SLC24A2: variants seen among roughly 807,000 people sequenced by gnomAD.
SLC24A2 encodes the protein sodium/potassium/calcium exchanger 2.
A neutral mutation model predicts 62.0 loss-of-function variants in SLC24A2; 36 were observed. The ratio of observed to expected loss-of-function variants is 0.58; its 90% CI spans 0.44 to 0.77. The LOEUF is 0.77. Ranked by LOEUF, SLC24A2 falls within the 30% of genes least tolerant of loss-of-function variation. The pLI is 0.00. For synonymous variants in SLC24A2, 358 were observed against 294.0 expected (o/e 1.22, Z -2.23); for missense variants, 846 against 817.9 (o/e 1.03, Z -0.42).
chr9:19,667,453 G>A (rs1463832677), intron 2 of SLC24A2, among the ~76,000 whole-genome samples: 1 of 152,144 alleles, frequency 6.6e-6, no homozygotes, highest in Non-Finnish European at 1.5e-5. Flanking sequence ...CATCCTGGTA[G>A]TTCTACCTCC....
chr9:19,644,520 G>A (rs781633941), intron 2 of SLC24A2, among the ~76,000 whole-genome samples: 37 of 152,172 alleles, frequency 2.4e-4, no homozygotes, highest in African/African-American at 7.5e-4. Flanking sequence ...TGCCCAGTGC[G>A]TATGATTGTA....
At chr9:20,148,038 G>A in the SLC24A2 span, among the ~76,000 whole-genome samples, 1 of 151,974 alleles carries the variant, frequency 6.6e-6, no homozygotes, top group African/African-American at 2.4e-5. Flanking sequence ...GTGTTCTAGA[G>A]TCAGATGGGT....
At chr9:19,995,381 G>T in the SLC24A2 span, among the ~76,000 whole-genome samples, 1 of 152,160 alleles carries the variant, frequency 6.6e-6, no homozygotes, top group East Asian at 1.9e-4. Flanking sequence ...ATGTGTGGGT[G>T]CCTTAGAATG....
chr9:19,698,869 G>C (rs1820274017), intron 2 of SLC24A2, among the ~76,000 whole-genome samples: 1 of 152,166 alleles, frequency 6.6e-6, no homozygotes, highest in Non-Finnish European at 1.5e-5. Flanking sequence ...ACAAAGTATG[G>C]CATATCACAC....
the SLC24A2 span, among the ~76,000 whole-genome samples, chr9:20,127,253 TC>T: frequency 6.6e-6 from 1 of 152,108 alleles, no homozygotes; most frequent in Admixed American, 6.6e-5. Context: ...CTGCCCAGAA[TC>T]CCCAGCAAAC....
At chr9:19,917,721 C>A in the SLC24A2 span, among the ~76,000 whole-genome samples, 3 of 152,042 alleles carry the variant, frequency 2.0e-5, no homozygotes, top group Non-Finnish European at 4.4e-5. Flanking sequence ...ATTTTTGTCT[C>A]ATATCTATAT....
At chr9:19,791,838 A>C (rs1002035483), upstream of SLC24A2, among the ~76,000 whole-genome samples, 3 of 152,218 alleles carry the variant, frequency 2.0e-5, no homozygotes, top group African/African-American at 7.2e-5. Context: ...ATTATTAAGG[A>C]GCTACTTCTT....
chr9:19,819,797 G>C, the SLC24A2 span, among the ~76,000 whole-genome samples: 1 of 151,768 alleles, frequency 6.6e-6, no homozygotes, highest in South Asian at 2.1e-4. Context: ...ACAGTGTGGA[G>C]ATTCCTCAAA....
chr9:20,187,162 G>C, the SLC24A2 span, among the ~76,000 whole-genome samples: 3 of 152,154 alleles, frequency 2.0e-5, no homozygotes, highest in Non-Finnish European at 4.4e-5. Flanking sequence ...AGTGGTGTCA[G>C]AACCTGGCTT....
intron 4 of SLC24A2, among the ~76,000 whole-genome samples, chr9:19,616,346 T>G (rs1321770456): frequency 6.6e-6 from 1 of 152,234 alleles, no homozygotes; most frequent in African/African-American, 2.4e-5. Flanking sequence ...GACATCATTA[T>G]GTATTTTCCT....
At chr9:20,243,571 C>A in the SLC24A2 span, among the ~76,000 whole-genome samples, 1 of 152,106 alleles carries the variant, frequency 6.6e-6, no homozygotes, top group Non-Finnish European at 1.5e-5. Context: ...GATTGTAACA[C>A]GCTTACACAT....
At chr9:20,229,659 A>G in the SLC24A2 span, among the ~76,000 whole-genome samples, 1 of 151,744 alleles carries the variant, frequency 6.6e-6, no homozygotes, top group African/African-American at 2.4e-5. Flanking sequence ...TTATACTATT[A>G]CTTTTGCATC....
At chr9:20,235,129 C>T in the SLC24A2 span, among the ~76,000 whole-genome samples, 10 of 152,190 alleles carry the variant, frequency 6.6e-5, no homozygotes, top group South Asian at 2.1e-4. Flanking sequence ...GGTGTCAGTC[C>T]GCCCCTACTG....
chr9:19,759,935 T>C (rs899262119), intron 2 of SLC24A2, among the ~76,000 whole-genome samples: 2 of 152,190 alleles, frequency 1.3e-5, no homozygotes, highest in Non-Finnish European at 2.9e-5. Flanking sequence ...GATAGATTAA[T>C]GTTTATCATC....
the SLC24A2 span, among the ~76,000 whole-genome samples, chr9:19,998,116 T>C: frequency 6.6e-6 from 1 of 152,208 alleles, no homozygotes; most frequent in Non-Finnish European, 1.5e-5. Flanking sequence ...TAATTTACAT[T>C]CATTGTCTCA....
the SLC24A2 span, among the ~76,000 whole-genome samples, chr9:19,889,125 C>T: frequency 1.3e-5 from 2 of 152,326 alleles, no homozygotes; most frequent in South Asian, 4.1e-4. Context: ...AGCACCTTGG[C>T]TGCTGCTTCT....
chr9:19,824,776 C>T, the SLC24A2 span, among the ~76,000 whole-genome samples: 2 of 152,068 alleles, frequency 1.3e-5, no homozygotes, highest in Non-Finnish European at 2.9e-5. Context: ...AACCCAAATG[C>T]CCATCAATGA....
At chr9:19,614,699 G>A (rs182037171) in intron 4 of SLC24A2, among the ~76,000 whole-genome samples, 2 of 151,892 alleles carry the variant, frequency 1.3e-5, no homozygotes, top group African/African-American at 2.4e-5. Context: ...TTCCTGGAAG[G>A]TTTGCTCTTG....
the SLC24A2 span, among the ~76,000 whole-genome samples, chr9:20,099,302 A>G: frequency 6.6e-6 from 1 of 152,224 alleles, no homozygotes; most frequent in Non-Finnish European, 1.5e-5. Flanking sequence ...CCATTTGACG[A>G]TTACAAATCA....
Sources: allele counts gnomAD v4.1 joint callset (sites outside exome capture counted in the v4.1 genomes callset), GRCh38; gene constraint gnomAD v4.1.1; transcripts MANE v1.5; gene names NCBI Gene and HGNC (gene_info 2026-07-23, HGNC 2026-07-21).